Variants in GABRB3 observed in about 807,000 individuals in gnomAD.
GABRB3 encodes the protein gamma-aminobutyric acid receptor subunit beta-3.
Under a neutral mutation model 52.1 loss-of-function variants are expected in GABRB3, and 14 were observed. The observed-to-expected ratio is 0.27, with a 90% CI of 0.18 to 0.42. The LOEUF is 0.42. Among genes scored for constraint, GABRB3 ranks in the 10% least tolerant of loss-of-function variants. The probability of loss-of-function intolerance (pLI) is 1.00; values close to 1 mark genes in which losing one functional copy is unlikely to be tolerated. For missense variants in GABRB3, 307 were observed against 609.1 expected (o/e 0.50, Z 5.22); for synonymous variants, 260 against 232.3 (o/e 1.12, Z -1.08).
At chr15:26,622,313 A>G (rs12905999) in intron 3 of GABRB3, among the ~76,000 whole-genome samples, 54,990 of 152,116 alleles carry the variant, frequency 0.36, 10,652 homozygotes, top group Middle Eastern at 0.47. Flanking sequence ...TATCGAGAAC[A>G]AAGTGGGAAA....
At chr15:26,741,028 T>C (rs1342080452) in intron 3 of GABRB3, among the ~76,000 whole-genome samples, 1 of 141,602 alleles carries the variant, frequency 7.1e-6, no homozygotes, top group African/African-American at 2.8e-5. Context: ...AATGGCAGGA[T>C]GGGCGAGGGA....
chr15:26,759,409 C>T (rs1441985951), intron 3 of GABRB3, among the ~76,000 whole-genome samples: 2 of 152,218 alleles, frequency 1.3e-5, no homozygotes, highest in Admixed American at 6.5e-5. Flanking sequence ...TACAGGCACA[C>T]GCCACCATGC....
At chr15:26,612,293 TA>T (rs1339454673) in intron 4 of GABRB3, 1 of 152,082 alleles carries the variant, frequency 6.6e-6, no homozygotes, top group Non-Finnish European at 1.5e-5. Context: ...AAATGAAGAT[TA>T]AAAATCATCA....
intron 3 of GABRB3, among the ~76,000 whole-genome samples, chr15:26,641,529 C>A (rs1489160004): frequency 6.6e-6 from 1 of 152,256 alleles, no homozygotes; most frequent in African/African-American, 2.4e-5. Context: ...AATACAAACT[C>A]TTGGTTAGAA....
At chr15:26,700,645 A>G (rs1305396666) in intron 3 of GABRB3, among the ~76,000 whole-genome samples, 1 of 152,248 alleles carries the variant, frequency 6.6e-6, no homozygotes, top group African/African-American at 2.4e-5. Context: ...CAATTCAAGG[A>G]AAGTTTAACT....
chr15:26,609,501 T>G (rs931302885), intron 4 of GABRB3, among the ~76,000 whole-genome samples: 8 of 152,188 alleles, frequency 5.3e-5, no homozygotes, highest in African/African-American at 1.9e-4. Context: ...AAAACTCTCA[T>G]AAGTCAGTCA....
intron 3 of GABRB3, among the ~76,000 whole-genome samples, chr15:26,693,319 G>T (rs1476603886): frequency 6.6e-6 from 1 of 152,224 alleles, no homozygotes; most frequent in African/African-American, 2.4e-5. Flanking sequence ...AGCTGGCTCA[G>T]CGTTCCTAGC....
chr15:26,745,936 T>C (rs1054273730), intron 3 of GABRB3, among the ~76,000 whole-genome samples: 1 of 152,208 alleles, frequency 6.6e-6, no homozygotes, highest in East Asian at 1.9e-4. Context: ...GTGTGACTAC[T>C]GGTTTTCATT....
intron 6 of GABRB3, among the ~76,000 whole-genome samples, chr15:26,569,994 T>C (rs1437482252): frequency 6.6e-6 from 1 of 152,244 alleles, no homozygotes; most frequent in Non-Finnish European, 1.5e-5. Flanking sequence ...CTTTATATGC[T>C]AATCCTCGCT....
chr15:26,568,345 C>A (rs1890257335), intron 6 of GABRB3, among the ~76,000 whole-genome samples: 1 of 152,108 alleles, frequency 6.6e-6, no homozygotes, highest in East Asian at 1.9e-4. Context: ...GCCTTCTTGC[C>A]CATGAGTCCC....
chr15:26,728,717 C>A (rs1203253804), intron 3 of GABRB3, among the ~76,000 whole-genome samples: 3 of 152,200 alleles, frequency 2.0e-5, no homozygotes, highest in Non-Finnish European at 4.4e-5. Context: ...TGCTCTAGGA[C>A]TTTCCTCAGA....
intron 4 of GABRB3, among the ~76,000 whole-genome samples, chr15:26,595,438 T>C (rs916443159): frequency 2.6e-5 from 4 of 152,134 alleles, no homozygotes; most frequent in East Asian, 1.9e-4. Context: ...AAGTGAAAAA[T>C]GCCACAAAAC....
intron 4 of GABRB3, among the ~76,000 whole-genome samples, chr15:26,594,565 A>T (rs1180304000): frequency 6.6e-6 from 1 of 152,228 alleles, no homozygotes; most frequent in East Asian, 1.9e-4. Flanking sequence ...GCATGACCAC[A>T]GCTCACTGTA....
chr15:26,742,584 C>T (rs1675975213), intron 3 of GABRB3, among the ~76,000 whole-genome samples: 1 of 152,222 alleles, frequency 6.6e-6, no homozygotes, highest in African/African-American at 2.4e-5. Context: ...TTTGCCAAGG[C>T]TTGACGCACC....
chr15:26,736,641 C>T (rs1397868872), intron 3 of GABRB3, among the ~76,000 whole-genome samples: 3 of 152,258 alleles, frequency 2.0e-5, no homozygotes, highest in Non-Finnish European at 4.4e-5. Context: ...AGCATTCCAA[C>T]TTCCATAGGG....
chr15:26,608,746 T>G (rs892370240), intron 4 of GABRB3, among the ~76,000 whole-genome samples: 5 of 152,032 alleles, frequency 3.3e-5, no homozygotes, highest in African/African-American at 1.2e-4. Context: ...GAAACTACAA[T>G]GAGATAACAT....
At chr15:26,583,511 C>T (rs995938626) in intron 4 of GABRB3, 97 bp from the exon 5 acceptor site, 45 of 930,118 alleles carry the variant, frequency 4.8e-5, no homozygotes, top group South Asian at 4.4e-4. Flanking sequence ...TGTGGGAACC[C>T]TGCCCAAAGT....
chr15:26,752,276 T>C (rs1374283980), intron 3 of GABRB3, among the ~76,000 whole-genome samples: 2 of 148,646 alleles, frequency 1.3e-5, no homozygotes, highest in Non-Finnish European at 3.0e-5. Context: ...TTTATTTATT[T>C]ATTTTGAGAG....
intron 3 of GABRB3, among the ~76,000 whole-genome samples, chr15:26,690,716 T>G (rs1163057136): frequency 1.3e-5 from 2 of 151,836 alleles, no homozygotes; most frequent in Non-Finnish European, 1.5e-5. Context: ...CAGTCGTCCA[T>G]CCAGTAACCA....
Sources: allele counts gnomAD v4.1 joint callset (sites outside exome capture counted in the v4.1 genomes callset), GRCh38; gene constraint gnomAD v4.1.1; transcripts MANE v1.5; gene names NCBI Gene and HGNC (gene_info 2026-07-23, HGNC 2026-07-21).